C8orf34: variants seen among roughly 807,000 people sequenced by gnomAD.
The protein encoded by C8orf34 is uncharacterized protein C8orf34.
A neutral mutation model predicts 68.3 loss-of-function variants in C8orf34; 65 were observed. The ratio of observed to expected loss-of-function variants is 0.95; its 90% CI spans 0.78 to 1.17. C8orf34 has a LOEUF of 1.17. C8orf34 is among the 50% of genes most tolerant of loss of function. The pLI is 0.00. For synonymous variants in C8orf34, 244 were observed against 241.2 expected (o/e 1.01, Z -0.11); for missense variants, 664 against 655.4 (o/e 1.01, Z -0.14).
At chr8:68,561,362 C>CA (rs146742009) in intron 7 of C8orf34, among the ~76,000 whole-genome samples, 16 of 151,322 alleles carry the variant, frequency 1.1e-4, no homozygotes, top group Middle Eastern at 3.4e-3. Flanking sequence ...TACAGCTATA[C>CA]AAAAAAAAAT....
At chr8:68,415,702 C>A (rs1809636337) in intron 1 of C8orf34, among the ~76,000 whole-genome samples, 1 of 152,122 alleles carries the variant, frequency 6.6e-6, no homozygotes, top group Non-Finnish European at 1.5e-5. Context: ...AAATTCTCCA[C>A]CTCTCTAGTT....
At chr8:68,516,161 T>C (rs573519022) in intron 5 of C8orf34, among the ~76,000 whole-genome samples, 81 of 152,336 alleles carry the variant, frequency 5.3e-4, no homozygotes, top group Non-Finnish European at 1.1e-3. Context: ...TCTTCTTATA[T>C]GGCTTAAAAA....
chr8:68,780,844 T>C (rs756773122), intron 11 of C8orf34, among the ~76,000 whole-genome samples: 2 of 152,206 alleles, frequency 1.3e-5, no homozygotes, highest in Non-Finnish European at 1.5e-5. Flanking sequence ...TTACAAACTT[T>C]ACAAATTTAG....
chr8:68,486,531 T>C (rs745472508), intron 4 of C8orf34, among the ~76,000 whole-genome samples: 8 of 152,200 alleles, frequency 5.3e-5, no homozygotes, highest in Non-Finnish European at 8.8e-5. Flanking sequence ...GCCCCAAATG[T>C]ACCTGTGTTT....
intron 7 of C8orf34, among the ~76,000 whole-genome samples, chr8:68,614,746 G>A (rs1410303458): frequency 6.6e-6 from 1 of 152,082 alleles, no homozygotes; most frequent in Non-Finnish European, 1.5e-5. Context: ...TTGTTCTTTT[G>A]GCTTAGGATT....
intron 10 of C8orf34, among the ~76,000 whole-genome samples, chr8:68,744,627 A>G (rs1230407671): frequency 4.6e-5 from 7 of 151,884 alleles, no homozygotes; most frequent in Non-Finnish European, 1.0e-4. Context: ...TGGAAGAAAG[A>G]GTATCAGCGA....
intron 6 of C8orf34, among the ~76,000 whole-genome samples, chr8:68,526,202 C>A (rs1814980190): frequency 6.6e-6 from 1 of 151,942 alleles, no homozygotes; most frequent in Admixed American, 6.6e-5. Flanking sequence ...TTCAAGCAAT[C>A]CACCCATCTT....
At chr8:68,393,126 C>T (rs1276324356) in intron 1 of C8orf34, among the ~76,000 whole-genome samples, 3 of 152,006 alleles carry the variant, frequency 2.0e-5, no homozygotes, top group East Asian at 1.9e-4. Flanking sequence ...TTGTGAATAA[C>T]GTGAATTCAG....
At chr8:68,630,340 T>A (rs1235250565) in intron 7 of C8orf34, among the ~76,000 whole-genome samples, 1 of 152,088 alleles carries the variant, frequency 6.6e-6, no homozygotes, top group Admixed American at 6.6e-5. Context: ...AAATTAGATA[T>A]TTTGCATTAT....
intron 9 of C8orf34, among the ~76,000 whole-genome samples, chr8:68,709,826 T>C (rs1200438866): frequency 1.3e-5 from 2 of 152,316 alleles, no homozygotes; most frequent in East Asian, 3.9e-4. Flanking sequence ...AAAATGTTTG[T>C]TGTATATGTA....
At chr8:68,624,102 C>T (rs1171797828) in intron 7 of C8orf34, among the ~76,000 whole-genome samples, 1 of 151,820 alleles carries the variant, frequency 6.6e-6, no homozygotes, top group African/African-American at 2.4e-5. Flanking sequence ...GAAACCGGGT[C>T]TCTACTAAAG....
At chr8:68,565,787 T>G (rs554120790) in intron 7 of C8orf34, among the ~76,000 whole-genome samples, 35 of 152,252 alleles carry the variant, frequency 2.3e-4, no homozygotes, top group African/African-American at 8.2e-4. Flanking sequence ...ATTTAGAGAG[T>G]TTGCCTAATT....
intron 1 of C8orf34, among the ~76,000 whole-genome samples, chr8:68,403,079 A>T (rs1809028975): frequency 6.6e-6 from 1 of 152,166 alleles, no homozygotes; most frequent in Admixed American, 6.5e-5. Flanking sequence ...ATATCAAATT[A>T]CTTCTTGAGG....
intron 1 of C8orf34, among the ~76,000 whole-genome samples, chr8:68,402,294 T>C (rs570060653): frequency 6.6e-6 from 1 of 152,272 alleles, no homozygotes; most frequent in South Asian, 2.1e-4. Context: ...GAATCATCGC[T>C]CTTCTTTTCT....
At chr8:68,808,522 CT>C (rs1411994708) in intron 12 of C8orf34, among the ~76,000 whole-genome samples, 11 of 151,424 alleles carry the variant, frequency 7.3e-5, no homozygotes, top group Non-Finnish European at 1.3e-4. Context: ...GGTTTTGCAT[CT>C]GCAGATTCAA....
intron 7 of C8orf34, among the ~76,000 whole-genome samples, chr8:68,561,804 C>A (rs892567889): frequency 7.2e-5 from 11 of 152,012 alleles, no homozygotes; most frequent in African/African-American, 2.7e-4. Flanking sequence ...AACAAAAAAA[C>A]AAGGGCACAA....
At chr8:68,378,538 T>G (rs2129620085) in intron 1 of C8orf34, among the ~76,000 whole-genome samples, 1 of 152,270 alleles carries the variant, frequency 6.6e-6, no homozygotes, top group South Asian at 2.1e-4. Flanking sequence ...TTCTCCTGCC[T>G]CAGCCTCCCA....
At position 68,406,508 on chromosome 8, in the gene C8orf34, T is replaced by TGA. The variant is rs550226233; in HGVS notation, c.328-32977_328-32976dup. On this transcript the variant is annotated intron_variant, in intron 1 of 13. Transcript: ENST00000518698. ...TTAATTAATTAATTATTATTATTATTGAGAGAGAGAGAGAGTCTTGCTCTG... is the reference window on the plus strand; with the variant it reads ...TTAATTAATTAATTATTATTATTATTGAGAGAGAGAGAGAGAGTCTTGCTCTG... 2.5e-3 allele frequency among the ~76,000 whole-genome samples: 380 copies of TGA among 151,098 alleles called. 2 individuals carry two copies. The highest frequency in any genetic ancestry group is 8.8e-3 in the African/African-American group (362 of 41,186).
intron 4 of C8orf34, among the ~76,000 whole-genome samples, chr8:68,485,175 A>G (rs1472462927): frequency 6.6e-6 from 1 of 152,212 alleles, no homozygotes; most frequent in African/African-American, 2.4e-5. Context: ...GAGAGGAGGT[A>G]GCCCATGAGT....
Sources: gnomAD v4.1 joint callset for allele counts (sites outside exome capture counted in the v4.1 genomes callset) on GRCh38, gnomAD v4.1.1 for gene constraint, MANE v1.5 for transcripts, NCBI Gene and HGNC (gene_info 2026-07-23, HGNC 2026-07-21) for gene names.